FER1L6: variants seen among roughly 807,000 people sequenced by gnomAD.
FER1L6 encodes fer-1 like family member 6, also known as fer-1-like protein 6.
Under a neutral mutation model 219.2 loss-of-function variants are expected in FER1L6, and 177 were observed. That is an observed-to-expected ratio of 0.81 (90% CI 0.71 to 0.91). FER1L6 has a LOEUF of 0.91. FER1L6 is among the 40% of genes least tolerant of loss of function. The probability of loss-of-function intolerance (pLI) is 0.00; values close to 1 mark genes in which losing one functional copy is unlikely to be tolerated. For synonymous variants in FER1L6, 768 were observed against 824.3 expected (o/e 0.93, Z 1.17); for missense variants, 2,153 against 2,259.9 (o/e 0.95, Z 0.96).
chr8:124,076,827 T>C (rs373270313), intron 32 of FER1L6, among the ~76,000 whole-genome samples: 12 of 152,342 alleles, frequency 7.9e-5, no homozygotes, highest in African/African-American at 2.9e-4. Flanking sequence ...TTTTGTCTCC[T>C]ACTAAAGGGA....
intron 1 of FER1L6, among the ~76,000 whole-genome samples, chr8:123,917,875 TA>T (rs1207588086): frequency 2.0e-4 from 30 of 152,240 alleles, no homozygotes; most frequent in African/African-American, 7.0e-4. Flanking sequence ...AGTTTAACAT[TA>T]AAATGGACTA....
intron 1 of FER1L6, among the ~76,000 whole-genome samples, chr8:123,885,683 A>G (rs889632502): frequency 1.3e-5 from 2 of 152,238 alleles, no homozygotes; most frequent in Non-Finnish European, 2.9e-5. Context: ...GGAGCCAGAC[A>G]GCTGTGGTTG....
chr8:124,078,774 C>A (rs1046065765), intron 32 of FER1L6, among the ~76,000 whole-genome samples: 1 of 150,990 alleles, frequency 6.6e-6, no homozygotes. Context: ...GTAGGGAGGA[C>A]GTGATGTGGC....
chr8:123,867,504 TTGAAATTC>T (rs1283300553), intron 1 of FER1L6, among the ~76,000 whole-genome samples: 3 of 152,150 alleles, frequency 2.0e-5, no homozygotes, highest in Non-Finnish European at 4.4e-5. Context: ...TTCTGGGGGG[TTGAAATTC>T]TGACTCTAGT....
At chr8:123,952,455 C>A (rs184391682) in intron 1 of FER1L6, among the ~76,000 whole-genome samples, 3 of 152,298 alleles carry the variant, frequency 2.0e-5, no homozygotes, top group African/African-American at 7.2e-5. Flanking sequence ...GTAGCTTTCA[C>A]CCTGAGGAGA....
chr8:124,090,489 C>G (rs1821981105), intron 33 of FER1L6, among the ~76,000 whole-genome samples: 1 of 152,206 alleles, frequency 6.6e-6, no homozygotes, highest in African/African-American at 2.4e-5. Context: ...GTTTTTAAAA[C>G]AAGACAAGCA....
intron 1 of FER1L6, among the ~76,000 whole-genome samples, chr8:123,890,022 C>T (rs1812613942): frequency 6.6e-6 from 1 of 152,084 alleles, no homozygotes; most frequent in Admixed American, 6.6e-5. Context: ...GGCTAATTAA[C>T]ATTGCTCATA....
In FER1L6 at chr8:123,852,798, A is replaced by G. The variant is rs1816537709; in HGVS notation, c.-8+613A>G. On this transcript the variant is annotated intron_variant, in intron 1 of 40. Transcript: ENST00000522917. The surrounding 1 kb of genome is among the most constrained non-coding windows in gnomAD (Gnocchi z 4.9). ...TGAAAATGCAGCATTACTATTAACT[A>G]AGCTCCACGCTTTATTTGGATTTCA... 2.0e-5 allele frequency among the ~76,000 whole-genome samples: 3 copies of G among 152,140 alleles called. No homozygotes were observed. In the South Asian group the frequency reaches 6.2e-4, roughly 32 times the overall value.
intron 32 of FER1L6, among the ~76,000 whole-genome samples, chr8:124,081,308 A>G (rs950126906): frequency 3.9e-5 from 6 of 152,272 alleles, no homozygotes; most frequent in African/African-American, 1.4e-4. Flanking sequence ...CCAATGCAGT[A>G]GCATTGGGTA....
At chr8:124,020,938 T>C (rs1381248567) in intron 16 of FER1L6, among the ~76,000 whole-genome samples, 3 of 152,074 alleles carry the variant, frequency 2.0e-5, no homozygotes, top group Non-Finnish European at 4.4e-5. Context: ...CAAGACTGGG[T>C]AATTATAAAG....
intron 1 of FER1L6, among the ~76,000 whole-genome samples, chr8:123,908,451 G>A (rs61508221): frequency 1.3e-5 from 2 of 152,186 alleles, no homozygotes; most frequent in African/African-American, 4.8e-5. Context: ...TAGAACTTTA[G>A]AAAACAGTTT....
intron 19 of FER1L6, among the ~76,000 whole-genome samples, chr8:124,038,356 T>A (rs4870886): frequency 0.86 from 130,292 of 152,260 alleles, 55,969 homozygotes; most frequent in African/African-American, 0.9. Context: ...ATTTTACATG[T>A]ATAGTACTGT....
intron 12 of FER1L6, among the ~76,000 whole-genome samples, chr8:123,989,438 C>A (rs527273102): frequency 1.3e-5 from 2 of 152,010 alleles, no homozygotes; most frequent in Non-Finnish European, 2.9e-5. Flanking sequence ...AAATAGTTTT[C>A]GGTAACGTGG....
At chr8:123,933,688 A>G (rs1813872082) in intron 1 of FER1L6, among the ~76,000 whole-genome samples, 1 of 152,214 alleles carries the variant, frequency 6.6e-6, no homozygotes, top group South Asian at 2.1e-4. Context: ...TGGACAGCTC[A>G]ATAAACGATC....
At position 124,118,929 on chromosome 8, in the gene FER1L6, C is replaced by T; in HGVS notation, c.5375C>T (p.Pro1792Leu). The part of the protein sequence containing the change: ...PVGKARKEPE[P>L]LAKPNRPDTS... ...GGAAAAGCCCGAAAGGAGCCAGAGCCCCTGGCCAAGCCCAAGTGAGTGGAG... is the reference window on the plus strand; with the variant it reads ...GGAAAAGCCCGAAAGGAGCCAGAGCTCCTGGCCAAGCCCAAGTGAGTGGAG... The change falls in exon 40 of 41, where the codon CCC becomes CTC. Residue 1792 changes from proline to leucine, a missense_variant. Pro to Leu is a moderately conservative substitution (Grantham distance 98). Transcript: ENST00000522917. 1 of 1,613,306 alleles carries T rather than the reference C, an allele frequency of 6.2e-7. No individual in the cohort carries two copies.
At chr8:124,041,201 C>T (rs1819472269) in intron 20 of FER1L6, among the ~76,000 whole-genome samples, 1 of 152,174 alleles carries the variant, frequency 6.6e-6, no homozygotes, top group South Asian at 2.1e-4. Flanking sequence ...CTTTCTAGCT[C>T]ATCTCCTCTT....
chr8:123,916,652 T>C (rs55834043), intron 1 of FER1L6, among the ~76,000 whole-genome samples: 43,181 of 152,000 alleles, frequency 0.28, 6,428 homozygotes, highest in East Asian at 0.45. Context: ...GCAACCCTTT[T>C]AGTGTTGTGG....
At chr8:123,975,817 C>G (rs1586541741) in intron 8 of FER1L6, 81 bp from the exon 9 acceptor site, 1 of 1,140,890 alleles carries the variant, frequency 8.8e-7, no homozygotes, top group African/African-American at 1.6e-5. Flanking sequence ...ATCTTTCTTT[C>G]TGCCTCCAAA....
intron 1 of FER1L6, among the ~76,000 whole-genome samples, chr8:123,949,902 G>A (rs778267916): frequency 7.2e-5 from 11 of 152,186 alleles, no homozygotes; most frequent in Non-Finnish European, 1.3e-4. Flanking sequence ...AGGAAAAGCA[G>A]AAAGCCTAAA....
Sources: allele counts gnomAD v4.1 joint callset (sites outside exome capture counted in the v4.1 genomes callset), GRCh38; gene constraint gnomAD v4.1.1; non-coding constraint Gnocchi (gnomAD v3.1); transcripts MANE v1.5; gene names NCBI Gene and HGNC (gene_info 2026-07-23, HGNC 2026-07-21).